Variants in FAT4 observed in about 807,000 individuals in gnomAD.
FAT4 encodes the protein FAT atypical cadherin 4, also known as protocadherin Fat 4.
FAT4 carries 84 observed loss-of-function variants against 303.9 expected under a neutral mutation model. The observed-to-expected ratio is 0.28, with a 90% CI of 0.23 to 0.33. FAT4 has a LOEUF of 0.33. FAT4 is among the 10% of genes least tolerant of loss of function. The probability of loss-of-function intolerance (pLI) is 1.00; values close to 1 mark genes in which losing one functional copy is unlikely to be tolerated. For synonymous variants in FAT4, 2,307 were observed against 2,298.8 expected (o/e 1.00, Z -0.10); for missense variants, 6,005 against 6,146.8 (o/e 0.98, Z 0.77).
intron 2 of FAT4, among the ~76,000 whole-genome samples, chr4:125,338,407 T>A (rs577426362): frequency 6.6e-6 from 1 of 152,336 alleles, no homozygotes; most frequent in East Asian, 1.9e-4. Flanking sequence ...GCCTTTGTAC[T>A]ACCTTCCCAT....
intron 2 of FAT4, among the ~76,000 whole-genome samples, chr4:125,348,607 T>A (rs1193450755): frequency 6.6e-6 from 1 of 151,700 alleles, no homozygotes; most frequent in African/African-American, 2.4e-5. Flanking sequence ...CTTCTTTTTT[T>A]AATATGAATA....
Position 125,415,141 on chromosome 4 carries a change from C to T in FAT4, c.6178C>T (p.Pro2060Ser). The change falls in exon 6 of 18, where the codon CCA (proline) becomes TCA (serine). Residue 2060 changes from proline to serine, a missense_variant. Pro to Ser is a moderately conservative substitution (Grantham distance 74, BLOSUM62 -1). Transcript: ENST00000394329. ...TCTTTCCCCTAAATTGACATACATT[C>T]CAGAAAATACACCTATTGATACTGT... ...TFLSPKLTYI[P>S]ENTPIDTVVF... The T allele has an allele frequency of 6.2e-7, 1 of 1,613,980 alleles. No individual in the cohort carries two copies. Among genetic ancestry groups the T allele is most frequent in the Non-Finnish European group, 8.5e-7 (1 of 1,179,940 alleles).
intron 2 of FAT4, among the ~76,000 whole-genome samples, chr4:125,353,394 A>G (rs750903216): frequency 2.0e-5 from 3 of 151,708 alleles, no homozygotes; most frequent in Admixed American, 6.6e-5. Flanking sequence ...AATATGATAT[A>G]AATAATTTTT....
chr4:125,434,158 T>G lies in FAT4; in HGVS notation c.7019-87T>G, dbSNP rs777264227. 179 of 1,240,452 alleles carry G rather than the reference T, an allele frequency of 1.4e-4. 1 individual carries two copies. Among genetic ancestry groups the G allele is most frequent in the Non-Finnish European group, 1.9e-4 (170 of 890,700 alleles). 76.8% of individuals were successfully genotyped at this position (1,240,452 alleles called of 1,614,324 possible). ...TTACTTTGATGTTTCCTAAATTCTC[T>G]TTAGTAATTCTGTCTACAGCTAATT... is the stretch of plus-strand genomic sequence containing the variant. On this transcript the variant is annotated intron_variant, in intron 7 of 17. Coordinates refer to ENST00000394329, the MANE Select transcript of FAT4 (RefSeq NM_001291303.3).
In FAT4 at chr4:125,321,446, C is replaced by T. The variant is rs569440986; in HGVS notation, c.5035C>T (p.Arg1679Cys). The change falls in exon 2 of 18, where the codon CGC becomes TGC. Residue 1679 changes from arginine to cysteine, a missense_variant. Coordinates refer to ENST00000394329, the MANE Select transcript of FAT4 (RefSeq NM_001291303.3). Reference sequence around the variant, plus strand: ...TCGTTGTGAAGAAAAAACTGTTGGACGCCTCTTTACTATTGGACGACATAC... The same window carrying T: ...TCGTTGTGAAGAAAAAACTGTTGGATGCCTCTTTACTATTGGACGACATAC... ...SVRCEEKTVG[R>C]LFTIGRHTGI... The T allele has an allele frequency of 2.1e-5, 34 of 1,614,024 alleles. No homozygotes were observed. Among genetic ancestry groups the T allele is most frequent in the Middle Eastern group, 1.7e-4 (1 of 6,060 alleles).
chr4:125,402,769 T>A (rs1187278750), intron 3 of FAT4, among the ~76,000 whole-genome samples: 3 of 152,038 alleles, frequency 2.0e-5, no homozygotes, highest in African/African-American at 7.2e-5. Context: ...TTTACATGCC[T>A]ATACACTCCA....
rs138212477 is a variant in FAT4, at chr4:125,469,381, G to A, written c.12213+562G>A. Among the ~76,000 whole-genome samples the A allele has an allele frequency of 3.0e-3, 451 of 152,262 alleles. 3 individuals carry two copies. The highest frequency in any genetic ancestry group is 0.01 in the African/African-American group (428 of 41,564). Reference sequence around the variant, plus strand: ...TTAAAATAAAACAACAGGAAACGTTGTCACATTGATTAACTCCTTTTTCAT... The same window carrying A: ...TTAAAATAAAACAACAGGAAACGTTATCACATTGATTAACTCCTTTTTCAT... On this transcript the variant is annotated intron_variant, in intron 12 of 17. Transcript: ENST00000394329.
In FAT4 at chr4:125,452,056, T is replaced by C. The variant is rs1726101513; in HGVS notation, c.11046T>C (p.Asp3682=). ...CAAGGTCCACAGATGGCACGTTTGATCTGACTGTCCTTAGCAATGATGGAG... is the reference window on the plus strand; with the variant it reads ...CAAGGTCCACAGATGGCACGTTTGACCTGACTGTCCTTAGCAATGATGGAG... ...SQPRSTDGTF[D]LTVLSNDGVH... is the part of the protein sequence containing the mutation. Residue 3682 remains aspartate (D), a synonymous_variant, in exon 10 of 18, where the codon GAT becomes GAC. Transcript: ENST00000394329. The C allele has an allele frequency of 6.2e-7, 1 of 1,614,192 alleles. No individual in the cohort carries two copies. The highest frequency in any genetic ancestry group is 1.1e-5 in the South Asian group (1 of 91,080).
At position 125,452,303 on chromosome 4, in the gene FAT4, T is replaced by G; in HGVS notation, c.11293T>G (p.Leu3765Val). The change falls in exon 10 of 18, where the codon TTG becomes GTG. Residue 3765 changes from leucine to valine, a missense_variant. Physicochemically the swap from Leu to Val is conservative, Grantham distance 32. Coordinates refer to ENST00000394329, the MANE Select transcript of FAT4 (RefSeq NM_001291303.3). ...AYEENNRTFL[L>V]AAVKRNHNQY... ...TGAAGAGAACAATAGAACGTTTCTT[T>G]TGGCAGCTGTGAAGCGAAATCATAA... 1 of 1,614,230 alleles carries G rather than the reference T, an allele frequency of 6.2e-7. No individual in the cohort carries two copies. The highest frequency in any genetic ancestry group is 8.5e-7 in the Non-Finnish European group (1 of 1,180,042).
intron 12 of FAT4, among the ~76,000 whole-genome samples, chr4:125,470,346 C>T (rs1726813880): frequency 6.6e-6 from 1 of 152,162 alleles, no homozygotes; most frequent in African/African-American, 2.4e-5. Flanking sequence ...GCTATATTCA[C>T]CCCTGATGAG....
At chr4:125,469,104 T>G (rs1163920572) in intron 12 of FAT4, among the ~76,000 whole-genome samples, 1 of 152,226 alleles carries the variant, frequency 6.6e-6, no homozygotes, top group Non-Finnish European at 1.5e-5. Context: ...TACCTTTCTT[T>G]CCTAAGTATT....
intron 14 of FAT4, among the ~76,000 whole-genome samples, chr4:125,478,142 T>G (rs1261579734): frequency 6.6e-6 from 1 of 152,208 alleles, no homozygotes; most frequent in African/African-American, 2.4e-5. Context: ...TTGGATGAGA[T>G]TACCAGAAAT....
chr4:125,445,371 G>A (rs1725792538), intron 8 of FAT4, among the ~76,000 whole-genome samples: 1 of 152,122 alleles, frequency 6.6e-6, no homozygotes, highest in Non-Finnish European at 1.5e-5. Flanking sequence ...GATATATGCT[G>A]TTGCTATGTT....
rs140544054 is a variant in FAT4, at chr4:125,468,691, G to A, written c.12085G>A (p.Ala4029Thr). The A allele has an allele frequency of 9.8e-5, 158 of 1,613,962 alleles. No individual in the cohort carries two copies. The highest frequency in any genetic ancestry group is 1.6e-4 in the Middle Eastern group (1 of 6,084). ...GACAGGCGACCGGGCTGAGTTTTTG[G>A]CCCTTGAAATTGCCGAAGAAAGACT... ...NQTGDRAEFLALEIAEERLRF... is the reference protein window; with the variant it reads ...NQTGDRAEFLTLEIAEERLRF... The change falls in exon 12 of 18, where the codon GCC becomes ACC. Residue 4029 changes from alanine to threonine, a missense_variant. Transcript: ENST00000394329.
At chr4:125,423,713 C>T (rs968509416) in intron 7 of FAT4, among the ~76,000 whole-genome samples, 1 of 152,206 alleles carries the variant, frequency 6.6e-6, no homozygotes, top group African/African-American at 2.4e-5. Context: ...CAGGCACTCA[C>T]CACCAGCCTG....
intron 8 of FAT4, among the ~76,000 whole-genome samples, chr4:125,438,400 A>T (rs1725533410): frequency 1.3e-5 from 2 of 152,162 alleles, no homozygotes; most frequent in South Asian, 4.1e-4. Flanking sequence ...CTGTTTTACA[A>T]AGCTGTACTG....
chr4:125,394,136 CCTTAT>C (rs1734078736), intron 2 of FAT4: 3 of 555,742 alleles, frequency 5.4e-6, no homozygotes, highest in East Asian at 6.1e-5. Flanking sequence ...CATGGAAGTG[CCTTAT>C]CTTAACGGGA....
intron 10 of FAT4, among the ~76,000 whole-genome samples, chr4:125,461,012 T>G (rs1029243789): frequency 6.6e-6 from 1 of 152,084 alleles, no homozygotes; most frequent in Non-Finnish European, 1.5e-5. Context: ...TATTGAGAAT[T>G]TAAGTTTTAT....
intron 12 of FAT4, among the ~76,000 whole-genome samples, chr4:125,470,848 T>G (rs1035835548): frequency 6.6e-6 from 1 of 152,220 alleles, no homozygotes; most frequent in Non-Finnish European, 1.5e-5. Flanking sequence ...CTTCAAGAAC[T>G]TTTACTTTGC....
Sources: allele counts gnomAD v4.1 joint callset (sites outside exome capture counted in the v4.1 genomes callset), GRCh38; gene constraint gnomAD v4.1.1; transcripts MANE v1.5; gene names NCBI Gene and HGNC (gene_info 2026-07-23, HGNC 2026-07-21).